The following REC114 variants were observed in gnomAD, a reference collection of about 807,000 sequenced individuals.
The protein encoded by REC114 is REC114 meiotic recombination protein.
In REC114, 27 loss-of-function variants were observed where a neutral mutation model predicts 31.3. The ratio of observed to expected loss-of-function variants is 0.86; its 90% confidence interval spans 0.64 to 1.19. REC114 has a LOEUF of 1.19. Ranked by LOEUF, REC114 falls within the 50% of genes most tolerant of loss-of-function variation. The pLI, the probability that REC114 is intolerant of heterozygous loss-of-function variation, is 0.00. For missense variants in REC114, 344 were observed against 326.9 expected, an observed-to-expected ratio of 1.05 and a Z score of -0.40; for synonymous variants, 134 against 127.7, an observed-to-expected ratio of 1.05 and a Z score of -0.33.
At chr15:73,465,886 C>G (rs554593505) in intron 1 of REC114, among the ~76,000 whole-genome samples, 1 of 152,164 alleles carries the variant, frequency 6.6e-6, no homozygotes, top group African/African-American at 2.4e-5. Flanking sequence ...GAGTCTCGCT[C>G]TGTCACCCAG....
At chr15:73,555,250 T>C (rs1894448670) in intron 4 of REC114, among the ~76,000 whole-genome samples, 1 of 152,144 alleles carries the variant, frequency 6.6e-6, no homozygotes, top group Non-Finnish European at 1.5e-5. Context: ...GTGCCCTGTT[T>C]CCTCCCTGTA....
intron 2 of REC114, among the ~76,000 whole-genome samples, chr15:73,509,824 A>G (rs937116238): frequency 1.3e-5 from 2 of 152,056 alleles, no homozygotes; most frequent in African/African-American, 4.8e-5. Flanking sequence ...TACCAGTCCC[A>G]TGCTGTTTTG....
intron 1 of REC114, among the ~76,000 whole-genome samples, chr15:73,461,905 CTTTTTCTTTTTCTTTTCTTTTTTTT>C (rs1485145552): frequency 1.3e-5 from 1 of 78,242 alleles, no homozygotes; most frequent in Non-Finnish European, 3.1e-5. Flanking sequence ...TAACATTTTT[CTTTTTCTTTTTCTTTTCTTTTTTTT>C]TTTTTTTTTT....
chr15:73,504,961 A>G (rs2141310776), intron 2 of REC114, among the ~76,000 whole-genome samples: 1 of 152,310 alleles, frequency 6.6e-6, no homozygotes, highest in East Asian at 1.9e-4. Context: ...TAGCCAAACT[A>G]AATTACATTC....
At chr15:73,524,715 A>G (rs1465249518) in intron 2 of REC114, among the ~76,000 whole-genome samples, 1 of 152,110 alleles carries the variant, frequency 6.6e-6, no homozygotes, top group East Asian at 1.9e-4. Flanking sequence ...CTTGTGCCTC[A>G]GCCTCCTGAG....
At chr15:73,472,779 A>C (rs1200239284) in intron 1 of REC114, among the ~76,000 whole-genome samples, 1 of 152,148 alleles carries the variant, frequency 6.6e-6, no homozygotes, top group South Asian at 2.1e-4. Context: ...GGTTGGAACT[A>C]TAGATCCAAT....
At chr15:73,500,314 CCA>C (rs1234888291) in intron 2 of REC114, among the ~76,000 whole-genome samples, 9 of 150,960 alleles carry the variant, frequency 6.0e-5, no homozygotes, top group South Asian at 2.1e-4. Flanking sequence ...TTCTTCATCC[CCA>C]CTTGCTGTCA....
rs183122728 is a variant in REC114 at position 73,556,528 on chromosome 15, C to T, written c.636+137C>T. On this transcript the variant is annotated intron_variant, in intron 5 of 5. Transcript: ENST00000331090. ...CTCTAAAAGGTGATAGAGACAGAGA[C>T]GGGCCATTTTCATCTACCCCTTGCA... 1,031 of 729,116 alleles carry T rather than the reference C, an allele frequency of 1.4e-3. 2 individuals carry two copies. Among genetic ancestry groups the T allele is most frequent in the Admixed American group, 1.7e-3 (54 of 32,190 alleles). 45.2% of individuals were successfully genotyped at this position (729,116 alleles called of 1,614,324 possible).
At chr15:73,546,014 C>T (rs776609417) in intron 3 of REC114, among the ~76,000 whole-genome samples, 6 of 152,062 alleles carry the variant, frequency 3.9e-5, no homozygotes, top group Admixed American at 1.3e-4. Context: ...GTTCTTTTCC[C>T]TTCCTCAGGG....
chr15:73,486,383 A>T (rs1893364845), intron 2 of REC114, among the ~76,000 whole-genome samples: 1 of 152,116 alleles, frequency 6.6e-6, no homozygotes, highest in Admixed American at 6.5e-5. Context: ...GGCATGAGCC[A>T]CTGTACCCGG....
At chr15:73,544,217 G>C (rs1400516007) in intron 3 of REC114, among the ~76,000 whole-genome samples, 1 of 152,060 alleles carries the variant, frequency 6.6e-6, no homozygotes, top group East Asian at 1.9e-4. Flanking sequence ...TTTTTGACAA[G>C]TATTAAGATC....
chr15:73,544,434 A>G (rs1289427419), intron 3 of REC114, among the ~76,000 whole-genome samples: 2 of 152,268 alleles, frequency 1.3e-5, no homozygotes, highest in Admixed American at 6.5e-5. Flanking sequence ...GCAATTTAAT[A>G]TAAATTCTAT....
chr15:73,507,224 TAAATA>T (rs1158493183), intron 2 of REC114, among the ~76,000 whole-genome samples: 3 of 152,226 alleles, frequency 2.0e-5, no homozygotes, highest in Non-Finnish European at 4.4e-5. Flanking sequence ...ATATATAACT[TAAATA>T]AAAATATATC....
At chr15:73,507,627 C>A (rs1482509334) in intron 2 of REC114, among the ~76,000 whole-genome samples, 1 of 152,040 alleles carries the variant, frequency 6.6e-6, no homozygotes, top group African/African-American at 2.4e-5. Flanking sequence ...ATTAAATAGA[C>A]ACTATATATG....
At chr15:73,555,364 G>A (rs549889631) in intron 4 of REC114, among the ~76,000 whole-genome samples, 1 of 152,158 alleles carries the variant, frequency 6.6e-6, no homozygotes, top group Non-Finnish European at 1.5e-5. Context: ...CTGCAGACAT[G>A]TGGCTAGGAA....
intron 2 of REC114, among the ~76,000 whole-genome samples, chr15:73,500,352 C>CAA (rs34228065): frequency 0.11 from 15,259 of 137,756 alleles, 806 homozygotes; most frequent in African/African-American, 0.12. Context: ...ACAGAAATAG[C>CAA]AAAAAAAAAA....
intron 1 of REC114, among the ~76,000 whole-genome samples, chr15:73,470,837 C>T (rs1237495598): frequency 1.3e-5 from 2 of 152,036 alleles, no homozygotes; most frequent in East Asian, 1.9e-4. Context: ...TGGAGTGAGT[C>T]GTGGTATCTA....
chr15:73,446,854 C>A (rs571711007), intron 1 of REC114, among the ~76,000 whole-genome samples: 2 of 152,254 alleles, frequency 1.3e-5, no homozygotes, highest in Admixed American at 1.3e-4. Context: ...TAAGCAGAGG[C>A]ATTTTCATCT....
At chr15:73,466,526 C>T (rs374777811) in intron 1 of REC114, among the ~76,000 whole-genome samples, 4 of 152,182 alleles carry the variant, frequency 2.6e-5, no homozygotes, top group East Asian at 1.9e-4. Context: ...TGCACTCTAG[C>T]CTGGGTGACA....
Sources: gnomAD v4.1 joint callset for allele counts (sites outside exome capture counted in the v4.1 genomes callset) on GRCh38, gnomAD v4.1.1 for gene constraint, MANE v1.5 for transcripts, NCBI Gene and HGNC (gene_info 2026-07-23, HGNC 2026-07-21) for gene names.